DENND4C: variants seen among roughly 807,000 people sequenced by gnomAD.
The protein encoded by DENND4C is DENN domain-containing protein 4C.
A neutral mutation model predicts 203.0 loss-of-function variants in DENND4C; 108 were observed. That is an observed-to-expected ratio of 0.53 (90% CI 0.46 to 0.62). DENND4C has a LOEUF of 0.62. Among genes scored for constraint, DENND4C ranks in the 20% least tolerant of loss-of-function variants. The pLI is 0.00. For synonymous variants in DENND4C, 871 were observed against 792.4 expected (o/e 1.10, Z -1.67); for missense variants, 2,481 against 2,301.2 (o/e 1.08, Z -1.60).
intron 2 of DENND4C, among the ~76,000 whole-genome samples, chr9:19,282,715 C>CTCTTTTTTTTTTTTTTTTTTTTTT (rs758751945): frequency 2.3e-5 from 2 of 86,638 alleles, no homozygotes; most frequent in African/African-American, 8.9e-5. Context: ...TTTCTTCTCT[C>CTCTTTTTTTTTTTTTTTTTTTTTT]TTTTTTTTTT....
intron 26 of DENND4C, among the ~76,000 whole-genome samples, chr9:19,354,452 C>T (rs571145640): frequency 8.5e-5 from 13 of 152,172 alleles, no homozygotes; most frequent in Non-Finnish European, 1.3e-4. Flanking sequence ...ATAGCCTTAC[C>T]AGCATTTGGT....
At chr9:19,240,596 A>C (rs1271256219) in intron 1 of DENND4C, among the ~76,000 whole-genome samples, 1 of 151,670 alleles carries the variant, frequency 6.6e-6, no homozygotes, top group Admixed American at 6.6e-5. Context: ...AACCTGGGAC[A>C]CGGAGGTTGC....
intron 2 of DENND4C, among the ~76,000 whole-genome samples, chr9:19,282,715 C>CTTTTTTTTTTTTTTTTTTTTT (rs1554717864): frequency 2.4e-4 from 21 of 86,638 alleles, no homozygotes; most frequent in African/African-American, 8.9e-4. Context: ...TTTCTTCTCT[C>CTTTTTTTTTTTTTTTTTTTTT]TTTTTTTTTT....
At position 19,254,085 on chromosome 9, in the gene DENND4C, A is replaced by G. The variant is rs72698382; in HGVS notation, c.-17-22073A>G. Among the ~76,000 whole-genome samples, 1,334 of 152,354 alleles carry G rather than the reference A, an allele frequency of 8.8e-3. 5 individuals are homozygous for G. Among genetic ancestry groups the G allele is most frequent in the Non-Finnish European group, 0.014 (953 of 68,028 alleles). On this transcript the variant is annotated intron_variant, in intron 1 of 32. Transcript: ENST00000434457. ...TTTTTCTTCAAAAGCTTTTGTTAATACAAAGTATCAATATGGGTATGGCGA... is the reference window on the plus strand; with the variant it reads ...TTTTTCTTCAAAAGCTTTTGTTAATGCAAAGTATCAATATGGGTATGGCGA...
At chr9:19,242,640 A>G (rs1027770526) in intron 1 of DENND4C, among the ~76,000 whole-genome samples, 1 of 145,278 alleles carries the variant, frequency 6.9e-6, no homozygotes, top group African/African-American at 2.5e-5. Flanking sequence ...TTGGTATCTC[A>G]TTGCTATTTC....
At position 19,319,421 on chromosome 9, in the gene DENND4C, CATATATATAT is replaced by C. The variant is rs529304340; in HGVS notation, c.1807+2584_1807+2593del. Among the ~76,000 whole-genome samples, 49 of 139,096 alleles carry C rather than the reference CATATATATAT, an allele frequency of 3.5e-4. No individual in the cohort carries two copies. In the East Asian group the frequency reaches 8.9e-3, roughly 25 times the overall value. The allele number at this position is 139,096 out of a possible 152,430, so 91.3% of individuals were successfully genotyped here. On this transcript the variant is annotated intron_variant, in intron 12 of 32. Coordinates refer to ENST00000434457, the MANE Select transcript of DENND4C (RefSeq NM_001330640.2). ...ATATATATACACACATATATATATA[CATATATATAT>C]ACACACATATATATATACATATATA...
rs35046772 is a variant in DENND4C at position 19,336,409 on chromosome 9, T to C, written c.2729T>C (p.Ile910Thr). Residue 910 changes from isoleucine to threonine, a missense_variant, in exon 19 of 33, where the codon ATA becomes ACA. By Grantham distance (89) the Ile-to-Thr change is moderately conservative (BLOSUM62 -1). Transcript: ENST00000434457. ...GTGCAAAGGTCACAGGTCTCCTCAA[T>C]ATCAGGTAATACATGTGATTAGAAA... is the stretch of plus-strand genomic sequence containing the variant. ...KTVQRSQVSS[I>T]SALQNVTGGS... is the part of the protein sequence containing the mutation. The C allele has an allele frequency of 4.3e-4, 691 of 1,612,528 alleles. 1 individual carries two copies. The highest frequency in any genetic ancestry group is 6.6e-4 in the Middle Eastern group (4 of 6,052).
intron 17 of DENND4C, among the ~76,000 whole-genome samples, chr9:19,333,529 A>G (rs911857836): frequency 1.3e-5 from 2 of 152,094 alleles, no homozygotes; most frequent in Non-Finnish European, 2.9e-5. Context: ...GTTCCCGGAG[A>G]GCGAAATTGC....
Position 19,332,124 on chromosome 9 carries a change from T to G in DENND4C, c.2400T>G (p.Leu800=). Residue 800 remains leucine, a synonymous_variant, in exon 17 of 33, where the codon CTT becomes CTG. Transcript: ENST00000434457. ...VRVSHPKVRA[L]QQAYDVLIKM... ...TTTCTCATCCTAAAGTCAGAGCACT[T>G]CAGCAGGCATATGATGTACTTATTA... is the stretch of plus-strand genomic sequence containing the variant. 1.2e-6 allele frequency: 2 copies of G among 1,614,074 alleles called. No homozygotes were observed. Among genetic ancestry groups the G allele is most frequent in the Non-Finnish European group, 1.7e-6 (2 of 1,179,978 alleles).
At chr9:19,250,139 A>G (rs1212383796) in intron 1 of DENND4C, among the ~76,000 whole-genome samples, 5 of 152,082 alleles carry the variant, frequency 3.3e-5, no homozygotes, top group African/African-American at 7.2e-5. Flanking sequence ...TCTCTACTGT[A>G]CTAGTCTGTT....
At chr9:19,234,018 A>G (rs1473551432) in intron 1 of DENND4C, among the ~76,000 whole-genome samples, 1 of 152,222 alleles carries the variant, frequency 6.6e-6, no homozygotes, top group South Asian at 2.1e-4. Context: ...ATGTAGTAGT[A>G]TAATATTCTA....
In DENND4C at chr9:19,328,061, C is replaced by G. The variant is rs767778957; in HGVS notation, c.2152C>G (p.Leu718Val). ...YKYFPRLDLK[L>V]FDRPQELKLC... ...ATACTTTCCAAGACTGGACCTTAAG[C>G]TTTTTGACAGACCGCAGGAGTTGAA... Residue 718 changes from leucine (L) to valine (V), a missense_variant, in exon 16 of 33, where the codon CTT becomes GTT. Leu to Val is a conservative substitution (Grantham distance 32). Transcript: ENST00000434457. 2.7e-5 allele frequency: 43 copies of G among 1,611,386 alleles called. No individual in the cohort carries two copies. In the South Asian group the frequency reaches 4.3e-4, roughly 16 times the overall value.
At chr9:19,296,353 A>G (rs1837458174) in intron 6 of DENND4C, 107 bp downstream of exon 6, 3 of 722,212 alleles carry the variant, frequency 4.2e-6, no homozygotes, top group Non-Finnish European at 6.7e-6. Context: ...GGAAGCCTGC[A>G]TTTAACTGAA....
intron 1 of DENND4C, among the ~76,000 whole-genome samples, chr9:19,243,930 C>T (rs192124320): frequency 2.6e-5 from 4 of 152,302 alleles, no homozygotes; most frequent in Admixed American, 2.6e-4. Flanking sequence ...CCTGCCTTAG[C>T]CTCCTGAGTA....
chr9:19,261,129 A>G (rs1406872148), intron 1 of DENND4C, among the ~76,000 whole-genome samples: 3 of 152,160 alleles, frequency 2.0e-5, no homozygotes, highest in Admixed American at 6.6e-5. Flanking sequence ...TCCTTTCCTC[A>G]ATGTCTGTTC....
At chr9:19,357,629 A>G in intron 27 of DENND4C, 1 of 226,184 alleles carries the variant, frequency 4.4e-6, no homozygotes, top group Middle Eastern at 1.8e-3. Context: ...TATTGTACTT[A>G]TTTGCATATA....
chr9:19,294,769 A>T (rs750476014), intron 5 of DENND4C, among the ~76,000 whole-genome samples: 4 of 152,218 alleles, frequency 2.6e-5, no homozygotes, highest in Non-Finnish European at 5.9e-5. Context: ...CATTATTCTA[A>T]GTGAAATAAG....
rs373386422 is a variant in DENND4C, at chr9:19,348,968, T to C, written c.4318-1734T>C. The stretch of plus-strand genomic sequence containing the variant: ...GACTCCAGGCGTGCCCCACCATGAC[T>C]GCTAATATTTTATTTTTTGTAGAGA... On this transcript the variant is annotated intron_variant, in intron 23 of 32. Coordinates refer to ENST00000434457, the MANE Select transcript of DENND4C (RefSeq NM_001330640.2). Among the ~76,000 whole-genome samples, 62 of 152,208 alleles carry C rather than the reference T, an allele frequency of 4.1e-4. 1 individual carries two copies. In the South Asian group the frequency reaches 0.011, roughly 28 times the overall value.
rs779891491 is a variant in DENND4C at position 19,346,856 on chromosome 9, A to C, written c.4087A>C (p.Thr1363Pro). ...TTTTACTGGGCGTTTCAAGCAGCAA[A>C]CCCCCTCTCGAACTCATAAAGAACG... is the stretch of plus-strand genomic sequence containing the variant. ...KTFTGRFKQQTPSRTHKERST... is the reference protein window; with the variant it reads ...KTFTGRFKQQPPSRTHKERST... Residue 1363 changes from threonine to proline, a missense_variant, in exon 23 of 33, where the codon ACC (threonine) becomes CCC (proline). Thr to Pro is a conservative substitution (Grantham distance 38). This residue lies in a region of DENND4C where 2,289 missense variants were observed against 2,113.3 expected (regional missense o/e 1.08). Transcript: ENST00000434457. 3 of 1,614,104 alleles carry C rather than the reference A, an allele frequency of 1.9e-6. No individual in the cohort carries two copies. The highest frequency in any genetic ancestry group is 1.1e-5 in the South Asian group (1 of 91,074).
Sources: allele counts gnomAD v4.1 joint callset (sites outside exome capture counted in the v4.1 genomes callset), GRCh38; gene constraint gnomAD v4.1.1; regional missense constraint gnomAD v4.1.1; transcripts MANE v1.5; gene names NCBI Gene and HGNC (gene_info 2026-07-23, HGNC 2026-07-21).